Variants in NTM observed in about 807,000 individuals in gnomAD.
The protein encoded by NTM is neurotrimin, also known as IgLON family member 2.
Under a neutral mutation model 42.1 loss-of-function variants are expected in NTM, and 13 were observed. That is an observed-to-expected ratio of 0.31 (90% CI 0.20 to 0.49). The LOEUF (loss-of-function observed/expected upper bound fraction) is 0.49. Ranked by LOEUF, NTM falls within the 20% of genes least tolerant of loss-of-function variation. The pLI is 0.99. For missense variants in NTM, 373 were observed against 452.8 expected, an observed-to-expected ratio of 0.82 and a Z score of 1.60; for synonymous variants, 187 against 179.2, an observed-to-expected ratio of 1.04 and a Z score of -0.35.
At chr11:132,288,476 T>A (rs2094332652) in intron 4 of NTM, among the ~76,000 whole-genome samples, 1 of 152,258 alleles carries the variant, frequency 6.6e-6, no homozygotes, top group Non-Finnish European at 1.5e-5. Context: ...TGTGCCTGTA[T>A]GTTTTAATGC....
At chr11:132,060,366 C>CT (rs1229304490) in intron 2 of NTM, among the ~76,000 whole-genome samples, 7 of 152,182 alleles carry the variant, frequency 4.6e-5, no homozygotes, top group South Asian at 2.1e-4. Flanking sequence ...CTCCAAAATA[C>CT]TTTTTTTTAA....
intron 2 of NTM, among the ~76,000 whole-genome samples, chr11:132,042,249 C>T (rs968638221): frequency 1.3e-5 from 2 of 152,148 alleles, no homozygotes; most frequent in East Asian, 1.9e-4. Flanking sequence ...AGCAGCCCCT[C>T]GTTCCTGTTC....
intron 1 of NTM, chr11:131,795,873 G>A: frequency 1.0e-6 from 1 of 984,002 alleles, no homozygotes; most frequent in Non-Finnish European, 1.2e-6. Flanking sequence ...GAACCATAGA[G>A]ACCGCCTGCC....
rs117090998 is a variant in NTM at position 131,549,884 on chromosome 11, C to T, written c.82+178996C>T. Among the ~76,000 whole-genome samples, 162 of 152,328 alleles carry T rather than the reference C, an allele frequency of 1.1e-3. 3 individuals carry two copies. The East Asian group carries it at 0.028, about 26-fold the overall frequency. ...GTTCCATCTTTCAAGTGACAAACCA[C>T]GATTCGAGGTGATGTCTCTTTCCCG... On this transcript the variant is annotated intron_variant, in intron 1 of 8. Coordinates refer to ENST00000683400, the MANE Select transcript of NTM (RefSeq NM_001352005.2).
chr11:132,311,221 A>G (rs1448809214), intron 6 of NTM, among the ~76,000 whole-genome samples: 3 of 152,352 alleles, frequency 2.0e-5, no homozygotes, highest in African/African-American at 7.2e-5. Flanking sequence ...GAGGTCAGTC[A>G]GAAACCTAAA....
chr11:131,980,331 A>G (rs560751576), intron 2 of NTM, among the ~76,000 whole-genome samples: 3 of 152,250 alleles, frequency 2.0e-5, no homozygotes, highest in African/African-American at 4.8e-5. Context: ...CTGAATTTTT[A>G]TTGCCCAATA....
chr11:131,863,107 A>G (rs1225070689), intron 1 of NTM, among the ~76,000 whole-genome samples: 1 of 152,196 alleles, frequency 6.6e-6, no homozygotes, highest in Non-Finnish European at 1.5e-5. Context: ...TGTGCTACTC[A>G]CATGTATGGT....
At chr11:132,264,187 C>T (rs952075648) in intron 4 of NTM, among the ~76,000 whole-genome samples, 5 of 152,164 alleles carry the variant, frequency 3.3e-5, no homozygotes, top group Non-Finnish European at 7.3e-5. Flanking sequence ...TACGTTTCTG[C>T]CAGTGTGATA....
chr11:132,189,137 G>C (rs1309208778), intron 3 of NTM, among the ~76,000 whole-genome samples: 1 of 152,156 alleles, frequency 6.6e-6, no homozygotes, highest in African/African-American at 2.4e-5. Context: ...GAAAGGAAGA[G>C]AGGCCAAAGA....
At position 131,789,503 on chromosome 11, in the gene NTM, G is replaced by GAAGA. The variant is rs1422812748; in HGVS notation, c.83-122059_83-122056dup. On this transcript the variant is annotated intron_variant, in intron 1 of 8. Coordinates refer to ENST00000683400, the MANE Select transcript of NTM (RefSeq NM_001352005.2). ...GAAGAAGAAGAAGAGGAAAGAAGAA[G>GAAGA]AAGAAGAAGAAGAAGAAGAAGAAGA... Among the ~76,000 whole-genome samples the GAAGA allele has an allele frequency of 4.8e-4, 4 of 8,386 alleles. 1 individual carries two copies. Among genetic ancestry groups the GAAGA allele is most frequent in the Non-Finnish European group, 6.9e-4 (3 of 4,322 alleles). The allele number at this position is 8,386 out of a possible 152,430, so 5.5% of individuals were successfully genotyped here. A position where few individuals can be genotyped will look rare whatever the true frequency, so the allele number is the denominator to read the frequency against.
intron 1 of NTM, among the ~76,000 whole-genome samples, chr11:131,518,887 G>A (rs960197534): frequency 6.6e-6 from 1 of 152,080 alleles, no homozygotes; most frequent in Admixed American, 6.5e-5. Context: ...AACTAATTAG[G>A]ACAACAACAC....
intron 3 of NTM, among the ~76,000 whole-genome samples, chr11:132,174,718 G>A (rs1486972356): frequency 6.6e-6 from 1 of 151,688 alleles, no homozygotes. Flanking sequence ...TTGCTTCCTC[G>A]ACGGCTGGGC....
intron 1 of NTM, among the ~76,000 whole-genome samples, chr11:131,744,673 A>G (rs2081587472): frequency 6.6e-6 from 1 of 152,166 alleles, no homozygotes; most frequent in Non-Finnish European, 1.5e-5. Context: ...ACTCTGAAAC[A>G]ATTTTAGTAA....
chr11:132,172,541 G>T (rs1036546726), intron 3 of NTM, among the ~76,000 whole-genome samples: 3 of 152,160 alleles, frequency 2.0e-5, no homozygotes, highest in Non-Finnish European at 4.4e-5. Flanking sequence ...GAAAGAAGGA[G>T]ACTATTACAA....
intron 2 of NTM, among the ~76,000 whole-genome samples, chr11:132,023,461 C>A (rs990432670): frequency 6.6e-6 from 1 of 152,142 alleles, no homozygotes; most frequent in Non-Finnish European, 1.5e-5. Flanking sequence ...GCCAGAAACC[C>A]TGGCAAAGGT....
chr11:132,040,172 C>G (rs1017499528), intron 2 of NTM, among the ~76,000 whole-genome samples: 4 of 152,086 alleles, frequency 2.6e-5, no homozygotes, highest in African/African-American at 9.7e-5. Flanking sequence ...TGAGCTCAGG[C>G]AGAGTTCTGC....
At chr11:132,041,096 G>C (rs2077116892) in intron 2 of NTM, among the ~76,000 whole-genome samples, 1 of 152,112 alleles carries the variant, frequency 6.6e-6, no homozygotes, top group South Asian at 2.1e-4. Flanking sequence ...AAAAAGAACT[G>C]TTGCAGTTAC....
chr11:132,137,447 C>T (rs1322614640), intron 2 of NTM, among the ~76,000 whole-genome samples: 2 of 152,218 alleles, frequency 1.3e-5, no homozygotes, highest in Non-Finnish European at 2.9e-5. Flanking sequence ...CATTTTGGTT[C>T]CCTGCCTGCT....
Position 131,590,734 on chromosome 11 carries a change from C to T in NTM, c.82+219846C>T, listed in dbSNP as rs1252694169. Among the ~76,000 whole-genome samples, 11 of 152,202 alleles carry T rather than the reference C, an allele frequency of 7.2e-5. No individual in the cohort carries two copies. The East Asian group carries it at 2.1e-3, about 29-fold the overall frequency. ...CAATTGATGTGAAGGCTCTTTTCTCCATCTTGTAGGTGAGGTAACGGGCTT... is the reference window on the plus strand; with the variant it reads ...CAATTGATGTGAAGGCTCTTTTCTCTATCTTGTAGGTGAGGTAACGGGCTT... On this transcript the variant is annotated intron_variant, in intron 1 of 8. Transcript: ENST00000683400.
Sources: allele counts gnomAD v4.1 joint callset (sites outside exome capture counted in the v4.1 genomes callset), GRCh38; gene constraint gnomAD v4.1.1; transcripts MANE v1.5; gene names NCBI Gene and HGNC (gene_info 2026-07-23, HGNC 2026-07-21).